STARD3: variants seen among roughly 807,000 people sequenced by gnomAD.
STARD3 encodes the protein stAR-related lipid transfer protein 3.
Under a neutral mutation model 62.0 loss-of-function variants are expected in STARD3, and 39 were observed. That is an observed-to-expected ratio of 0.63 (90% CI 0.49 to 0.82). STARD3 has a LOEUF of 0.82. Among genes scored for constraint, STARD3 ranks in the 40% least tolerant of loss-of-function variants. The pLI, the probability that STARD3 is intolerant of heterozygous loss-of-function variation, is 0.00. For missense variants in STARD3, 543 were observed against 584.5 expected, an observed-to-expected ratio of 0.93 and a Z score of 0.73; for synonymous variants, 229 against 242.4, an observed-to-expected ratio of 0.94 and a Z score of 0.51.
At chr17:39,659,183 G>A (rs573588828) in intron 8 of STARD3, 77 bp downstream of exon 8, 305 of 1,574,872 alleles carry the variant, frequency 1.9e-4, no homozygotes, top group Non-Finnish European at 2.4e-4. Context: ...GTCAGCCGGG[G>A]TGGGCAGGGG....
At chr17:39,658,843 A>G (rs2057162084) in intron 7 of STARD3, 23 bp downstream of exon 7, 6 of 1,611,420 alleles carry the variant, frequency 3.7e-6, no homozygotes, top group Non-Finnish European at 5.1e-6. Flanking sequence ...GTGTGGGGGA[A>G]CTGCTTTCAG....
At chr17:39,658,985 A>G (rs988757331) in intron 7 of STARD3, 66 bp from the exon 8 acceptor site, 2 of 1,603,518 alleles carry the variant, frequency 1.2e-6, no homozygotes, top group Non-Finnish European at 1.7e-6. Context: ...ACATACCCGA[A>G]CCCCACTACC....
In STARD3 at chr17:39,658,291, T is replaced by C. The variant is rs972990927; in HGVS notation, c.430-114T>C. 7 of 1,002,114 alleles carry C rather than the reference T, an allele frequency of 7.0e-6. No individual in the cohort carries two copies. In the Admixed American group the frequency reaches 1.3e-4, roughly 19 times the overall value. The allele number at this position is 1,002,114 out of a possible 1,614,324, so 62.1% of individuals were successfully genotyped here. A position where few individuals can be genotyped will look rare whatever the true frequency, so the allele number is the denominator to read the frequency against. On this transcript the variant is annotated intron_variant, in intron 5 of 14. Transcript: ENST00000336308. Reference sequence around the variant, plus strand: ...AGACTTGAGAGGGTTCCCAAGCAGCTGCTACCAGGAATGGGGTGTATGCCA... The same window carrying C: ...AGACTTGAGAGGGTTCCCAAGCAGCCGCTACCAGGAATGGGGTGTATGCCA...
chr17:39,645,678 G>A lies in STARD3; in HGVS notation c.-51-7803G>A, dbSNP rs1034835858. On this transcript the variant is annotated intron_variant, in intron 1 of 14. Coordinates refer to ENST00000336308, the MANE Select transcript of STARD3 (RefSeq NM_006804.4). Reference sequence around the variant, plus strand: ...GTAGAGACGAGGTTTCAGCATGTTGGCCAGGCTGGCCTCAAACTCCTGACC... The same window carrying A: ...GTAGAGACGAGGTTTCAGCATGTTGACCAGGCTGGCCTCAAACTCCTGACC... Among the ~76,000 whole-genome samples, 3 of 151,952 alleles carry A rather than the reference G, an allele frequency of 2.0e-5. No individual in the cohort carries two copies. The East Asian group carries it at 5.8e-4, about 29-fold the overall frequency.
chr17:39,639,614 G>A (rs1054483624), intron 1 of STARD3, among the ~76,000 whole-genome samples: 2 of 152,190 alleles, frequency 1.3e-5, no homozygotes, highest in African/African-American at 4.8e-5. Flanking sequence ...GAAGACAGAG[G>A]CAGCGTCCTT....
intron 1 of STARD3, among the ~76,000 whole-genome samples, chr17:39,643,205 T>C (rs547152326): frequency 6.6e-6 from 1 of 152,162 alleles, no homozygotes; most frequent in Non-Finnish European, 1.5e-5. Context: ...CAGGATTTGC[T>C]CATGGTTTGG....
In STARD3 at chr17:39,653,362, G is replaced by A. The variant is rs79364664; in HGVS notation, c.-51-119G>A. On this transcript the variant is annotated intron_variant, in intron 1 of 14. Coordinates refer to ENST00000336308, the MANE Select transcript of STARD3 (RefSeq NM_006804.4). ...GGACATTTGGGCAACAGTGCCCTGG[G>A]CCCTGGGCTTGGGACCCAGTGTAGA... The A allele has an allele frequency of 3.5e-3, 2,422 of 689,062 alleles. 36 individuals are homozygous for A. In the African/African-American group the frequency reaches 0.039, roughly 11 times the overall value. The allele number at this position is 689,062 out of a possible 1,614,324, so 42.7% of individuals were successfully genotyped here. A position where few individuals can be genotyped will look rare whatever the true frequency, so the allele number is the denominator to read the frequency against.
At chr17:39,637,408 G>A (rs1282480092) in intron 1 of STARD3, 177 bp downstream of exon 1, 1 of 152,360 alleles carries the variant, frequency 6.6e-6, no homozygotes, top group African/African-American at 2.4e-5. Context: ...GCGCGGGTTG[G>A]GGTCTCCAGC....
chr17:39,643,499 T>C (rs1411248305), intron 1 of STARD3, among the ~76,000 whole-genome samples: 1 of 152,122 alleles, frequency 6.6e-6, no homozygotes, highest in Admixed American at 6.5e-5. Flanking sequence ...CCGCAGGCCA[T>C]GGCCAGCTGG....
intron 1 of STARD3, among the ~76,000 whole-genome samples, chr17:39,641,603 G>A (rs917022870): frequency 1.3e-5 from 2 of 152,168 alleles, no homozygotes; most frequent in East Asian, 3.8e-4. Flanking sequence ...TGTCCCCATG[G>A]GTAATAGTAG....
Position 39,663,490 on chromosome 17 carries a change from G to GCCCCT in STARD3, c.*586_*590dup, listed in dbSNP as rs890186240. The GCCCCT allele has an allele frequency of 1.3e-5, 2 of 155,374 alleles. No individual in the cohort carries two copies. The highest frequency in any genetic ancestry group is 4.8e-5 in the African/African-American group (2 of 41,344). 9.6% of individuals were successfully genotyped at this position (155,374 alleles called of 1,614,324 possible). A position where few individuals can be genotyped will look rare whatever the true frequency, so the allele number is the denominator to read the frequency against. On this transcript the variant is annotated 3_prime_UTR_variant, in exon 15 of 15. Transcript: ENST00000336308. ...AATTTAAAAAAAAAAAAAAATTCCAGCCCCTCCCACTGCCTTGCCTCTTGA... is the reference window on the plus strand; with the variant it reads ...AATTTAAAAAAAAAAAAAAATTCCAGCCCCTCCCCTCCCACTGCCTTGCCTCTTGA...
At chr17:39,644,289 G>C (rs78192709) in intron 1 of STARD3, among the ~76,000 whole-genome samples, 2,870 of 152,276 alleles carry the variant, frequency 0.019, 57 homozygotes, top group Non-Finnish European at 0.031. Flanking sequence ...AACTTGTAAA[G>C]TTTGGCCCAG....
At chr17:39,639,019 G>A (rs1056176310) in intron 1 of STARD3, among the ~76,000 whole-genome samples, 1 of 152,162 alleles carries the variant, frequency 6.6e-6, no homozygotes, top group Non-Finnish European at 1.5e-5. Context: ...ACGTGTGGGA[G>A]GATCCTTTGA....
chr17:39,657,785 T>C lies in STARD3; in HGVS notation c.308T>C (p.Phe103Ser). The C allele has an allele frequency of 1.2e-6, 2 of 1,614,160 alleles. No homozygotes were observed. Among genetic ancestry groups the C allele is most frequent in the Non-Finnish European group, 1.7e-6 (2 of 1,179,998 alleles). Residue 103 changes from phenylalanine (F) to serine (S), a missense_variant, in exon 4 of 15, where the codon TTC becomes TCC. By Grantham distance (155) the Phe-to-Ser change is radical. Coordinates refer to ENST00000336308, the MANE Select transcript of STARD3 (RefSeq NM_006804.4). ...TSFFDIFVLAFFRFSGLLLGY... is the reference protein window; with the variant it reads ...TSFFDIFVLASFRFSGLLLGY... ...CCCGTCCCCCACCAGGTCCTGGCCT[T>C]CTTCCGCTTCTCTGGACTGCTCCTA...
At chr17:39,656,785 T>G in intron 2 of STARD3, 1 of 541,904 alleles carries the variant, frequency 1.8e-6, no homozygotes, top group Non-Finnish European at 3.3e-6. Context: ...GCCCTGCCCA[T>G]CGGGGCGGCC....
At chr17:39,647,608 A>T (rs1279112490) in intron 1 of STARD3, among the ~76,000 whole-genome samples, 1 of 152,138 alleles carries the variant, frequency 6.6e-6, no homozygotes, top group African/African-American at 2.4e-5. Context: ...GTGGGTTTTC[A>T]TCACTTAGAC....
At position 39,663,027 on chromosome 17, in the gene STARD3, A is replaced by C; in HGVS notation, c.*119A>C. On this transcript the variant is annotated 3_prime_UTR_variant, in exon 15 of 15. Transcript: ENST00000336308. ...ACCTGGCCCCAGGCTGTCACCCTCC[A>C]CCGAGCCACGCAGTGCCTGGAGTTG... is the stretch of plus-strand genomic sequence containing the variant. 1 of 1,028,780 alleles carries C rather than the reference A, an allele frequency of 9.7e-7. No individual in the cohort carries two copies. The highest frequency in any genetic ancestry group is 1.4e-6 in the Non-Finnish European group (1 of 721,460). 63.7% of individuals were successfully genotyped at this position (1,028,780 alleles called of 1,614,324 possible). A position where few individuals can be genotyped will look rare whatever the true frequency, so the allele number is the denominator to read the frequency against.
chr17:39,653,670 T>C lies in STARD3; in HGVS notation c.139T>C (p.Ser47Pro), dbSNP rs1315910405. 1 of 1,614,180 alleles carries C rather than the reference T, an allele frequency of 6.2e-7. No homozygotes were observed. Among genetic ancestry groups the C allele is most frequent in the South Asian group, 1.1e-5 (1 of 91,092 alleles). ...LPPPEKRRAISDVRRTFCLFV... is the reference protein window; with the variant it reads ...LPPPEKRRAIPDVRRTFCLFV... Reference sequence around the variant, plus strand: ...GCCGCCTGAGAAGCGAAGGGCCATCTCTGATGTCCGCCGCACCTTCTGTCT... The same window carrying C: ...GCCGCCTGAGAAGCGAAGGGCCATCCCTGATGTCCGCCGCACCTTCTGTCT... Residue 47 changes from serine (S) to proline (P), a missense_variant, in exon 2 of 15, where the codon TCT becomes CCT. Transcript: ENST00000336308.
At chr17:39,643,755 G>C (rs2057000783) in intron 1 of STARD3, among the ~76,000 whole-genome samples, 1 of 152,200 alleles carries the variant, frequency 6.6e-6, no homozygotes, top group African/African-American at 2.4e-5. Context: ...CAGTCAGTCA[G>C]AGCTCAAGAC....
Sources: allele counts gnomAD v4.1 joint callset (sites outside exome capture counted in the v4.1 genomes callset), GRCh38; gene constraint gnomAD v4.1.1; transcripts MANE v1.5; gene names NCBI Gene and HGNC (gene_info 2026-07-23, HGNC 2026-07-21).